Variants in TMEM127 observed in about 807,000 individuals in gnomAD.
TMEM127 encodes the protein transmembrane protein 127.
TMEM127 carries 21 observed loss-of-function variants against 20.1 expected under a neutral mutation model. The observed-to-expected ratio is 1.04, with a 90% confidence interval of 0.74 to 1.50. The LOEUF is 1.50. Ranked by LOEUF, TMEM127 falls within the 40% of genes most tolerant of loss-of-function variation. The pLI, the probability that TMEM127 is intolerant of heterozygous loss-of-function variation, is 0.00. For missense variants in TMEM127, 303 were observed against 317.4 expected (o/e 0.95, Z 0.34); for synonymous variants, 150 against 144.7 (o/e 1.04, Z -0.26).
Position 96,253,604 on chromosome 2 carries a change from C to A in TMEM127, c.*204G>T, listed in dbSNP as rs189703494. The A allele has an allele frequency of 1.6e-4, 98 of 605,918 alleles. No individual in the cohort carries two copies. In the East Asian group the frequency reaches 2.3e-3, roughly 14 times the overall value. 37.5% of individuals were successfully genotyped at this position (605,918 alleles called of 1,614,324 possible). A position where few individuals can be genotyped will look rare whatever the true frequency, so the allele number is the denominator to read the frequency against. On this transcript the variant is annotated 3_prime_UTR_variant, in exon 4 of 4. Transcript: ENST00000258439. The surrounding 1 kb of genome is among the most constrained non-coding windows in gnomAD (Gnocchi z 4.3). Reference sequence around the variant, plus strand: ...AGGATGTGGCAGGAGGGAAAGAGTACATTATAGAAAACCAGTGGACCTCCG... The same window carrying A: ...AGGATGTGGCAGGAGGGAAAGAGTAAATTATAGAAAACCAGTGGACCTCCG...
intron 2 of TMEM127, among the ~76,000 whole-genome samples, chr2:96,259,086 T>C (rs921326205): frequency 2.0e-5 from 3 of 152,234 alleles, no homozygotes; most frequent in Non-Finnish European, 2.9e-5. Flanking sequence ...TAAGGAGACA[T>C]GCACATGATA....
At position 96,259,684 on chromosome 2, in the gene TMEM127, G is replaced by A. The variant is rs79972218; in HGVS notation, c.245-4687C>T. Among the ~76,000 whole-genome samples, 2,095 of 152,314 alleles carry A rather than the reference G, an allele frequency of 0.014. 83 individuals are homozygous for A. In the East Asian group the frequency reaches 0.15, roughly 11 times the overall value. On this transcript the variant is annotated intron_variant, in intron 2 of 3. Transcript: ENST00000258439. ...ACACCGGAAAGGCTTGGGACCTGGCGCCGAATCCTAGCTCTAGCAGAGACT... is the reference window on the plus strand; with the variant it reads ...ACACCGGAAAGGCTTGGGACCTGGCACCGAATCCTAGCTCTAGCAGAGACT...
chr2:96,265,769 C>G (rs549599605), intron 1 of TMEM127, 100 bp downstream of exon 1: 1 of 211,374 alleles, frequency 4.7e-6, no homozygotes, highest in African/African-American at 2.3e-5. Context: ...GAGGACCGGG[C>G]TGGGCCGCGG....
intron 2 of TMEM127, among the ~76,000 whole-genome samples, chr2:96,257,520 T>A (rs1684233077): frequency 6.6e-6 from 1 of 152,116 alleles, no homozygotes; most frequent in African/African-American, 2.4e-5. Context: ...TCTCCTTTGA[T>A]AACTATGCAA....
chr2:96,253,458 T>C lies in TMEM127; in HGVS notation c.*350A>G. The C allele has an allele frequency of 8.9e-6, 3 of 338,080 alleles. No individual in the cohort carries two copies. The South Asian group carries it at 1.6e-4, about 19-fold the overall frequency. 20.9% of individuals were successfully genotyped at this position (338,080 alleles called of 1,614,324 possible). On this transcript the variant is annotated 3_prime_UTR_variant, in exon 4 of 4. Coordinates refer to ENST00000258439, the MANE Select transcript of TMEM127 (RefSeq NM_017849.4). The surrounding 1 kb of genome is among the most constrained non-coding windows in gnomAD (Gnocchi z 4.3). ...CCTTGGGCCCTTTGACACTTGTTTT[T>C]GGGACTGTCCGCTCTCAGCAGCTCT...
At chr2:96,258,516 C>T (rs1052477454) in intron 2 of TMEM127, among the ~76,000 whole-genome samples, 8 of 152,132 alleles carry the variant, frequency 5.3e-5, no homozygotes, top group African/African-American at 1.9e-4. Context: ...TTTGGGTCAC[C>T]CACGAAGCAG....
In TMEM127 at chr2:96,249,075, CTGTGTGTGTGTGTGTGGTGTGTGTG is replaced by C. The variant is rs1429030095; in HGVS notation, c.*4708_*4732del. The stretch of plus-strand genomic sequence containing the variant: ...TTCCCCAAAGCTTATGGTGAGGAAC[CTGTGTGTGTGTGTGTGGTGTGTGTG>C]TGTGTGTGTGTGTGTGTTTGAGATG... On this transcript the variant is annotated 3_prime_UTR_variant, in exon 4 of 4. Coordinates refer to ENST00000258439, the MANE Select transcript of TMEM127 (RefSeq NM_017849.4). 1.0e-4 allele frequency: 23 copies of C among 223,292 alleles called. 1 individual carries two copies. Among genetic ancestry groups the C allele is most frequent in the South Asian group, 3.8e-4 (2 of 5,208 alleles). The allele number at this position is 223,292 out of a possible 1,614,324, so 13.8% of individuals were successfully genotyped here.
At position 96,265,413 on chromosome 2, in the gene TMEM127, G is replaced by A. The variant is rs576291019; in HGVS notation, c.-32C>T. 20 of 1,340,318 alleles carry A rather than the reference G, an allele frequency of 1.5e-5. No homozygotes were observed. The highest frequency in any genetic ancestry group is 1.8e-5 in the Non-Finnish European group (19 of 1,051,434). The allele number at this position is 1,340,318 out of a possible 1,614,324, so 83.0% of individuals were successfully genotyped here. On this transcript the variant is annotated 5_prime_UTR_variant, in exon 2 of 4. Coordinates refer to ENST00000258439, the MANE Select transcript of TMEM127 (RefSeq NM_017849.4). ...GGCCGCCCGCCGTCGCTCCGCAGTC[G>A]CTGCTGGTCGCCGCCGACCTCCGCG...
chr2:96,263,519 C>A lies in TMEM127; in HGVS notation c.244+1619G>T, dbSNP rs572581504. On this transcript the variant is annotated intron_variant, in intron 2 of 3. Transcript: ENST00000258439. ...CTGGAATTACAGATGCCTGCCACCA[C>A]GCCCGGCTCAAAAATTTACTTTTAT... Among the ~76,000 whole-genome samples, 3 of 152,328 alleles carry A rather than the reference C, an allele frequency of 2.0e-5. No individual in the cohort carries two copies. In the East Asian group the frequency reaches 5.8e-4, roughly 29 times the overall value.
At chr2:96,254,792 G>A in intron 3 of TMEM127, 41 bp downstream of exon 3, 1 of 1,613,000 alleles carries the variant, frequency 6.2e-7, no homozygotes, top group Non-Finnish European at 8.5e-7. Context: ...CCCCCACCCT[G>A]TAGCAGTTCC....
At chr2:96,262,289 T>C (rs1171726419) in intron 2 of TMEM127, among the ~76,000 whole-genome samples, 2 of 150,844 alleles carry the variant, frequency 1.3e-5, no homozygotes, top group African/African-American at 4.9e-5. Flanking sequence ...AAACTCTATA[T>C]GCACCACATC....
chr2:96,261,988 C>T (rs112749121), intron 2 of TMEM127, among the ~76,000 whole-genome samples: 24 of 152,198 alleles, frequency 1.6e-4, no homozygotes, highest in Middle Eastern at 3.4e-3. Flanking sequence ...TGGCCAGGAG[C>T]GGTGGCTCAT....
intron 2 of TMEM127, among the ~76,000 whole-genome samples, chr2:96,263,037 C>T (rs1684342892): frequency 6.6e-6 from 1 of 151,196 alleles, no homozygotes; most frequent in Admixed American, 6.6e-5. Flanking sequence ...AGAACCTGCA[C>T]CAAGAATTTA....
rs1390651390 is a variant in TMEM127, at chr2:96,249,076, TGTGTGTGTGTGTGTG to T, written c.*4717_*4731del. On this transcript the variant is annotated 3_prime_UTR_variant, in exon 4 of 4. Transcript: ENST00000258439. The stretch of plus-strand genomic sequence containing the variant: ...TCCCCAAAGCTTATGGTGAGGAACC[TGTGTGTGTGTGTGTG>T]GTGTGTGTGTGTGTGTGTGTGTGTG... 12 of 213,730 alleles carry T rather than the reference TGTGTGTGTGTGTGTG, an allele frequency of 5.6e-5. No homozygotes were observed. The highest frequency in any genetic ancestry group is 2.0e-4 in the South Asian group (1 of 5,038). The allele number at this position is 213,730 out of a possible 1,614,324, so 13.2% of individuals were successfully genotyped here.
intron 2 of TMEM127, among the ~76,000 whole-genome samples, chr2:96,259,464 T>C (rs1375800155): frequency 2.0e-5 from 3 of 152,228 alleles, no homozygotes; most frequent in African/African-American, 7.2e-5. Context: ...AGGAATACTG[T>C]TGGAGCCATC....
At chr2:96,255,317 T>C (rs1684182613) in intron 2 of TMEM127, among the ~76,000 whole-genome samples, 1 of 152,256 alleles carries the variant, frequency 6.6e-6, no homozygotes, top group Non-Finnish European at 1.5e-5. Context: ...GACATGTTAA[T>C]GCATTCTGCT....
At chr2:96,264,451 C>G (rs1006223888) in intron 2 of TMEM127, among the ~76,000 whole-genome samples, 1 of 152,196 alleles carries the variant, frequency 6.6e-6, no homozygotes, top group Non-Finnish European at 1.5e-5. Context: ...GCAGGTGATA[C>G]AGTCCAGTCC....
chr2:96,256,257 G>A (rs1392521423), intron 2 of TMEM127, among the ~76,000 whole-genome samples: 1 of 146,406 alleles, frequency 6.8e-6, no homozygotes, highest in African/African-American at 2.5e-5. Flanking sequence ...GTGACAGAGT[G>A]AGACTCTGTC....
rs774322340 is a variant in TMEM127, at chr2:96,265,327, C to T, written c.55G>A (p.Gly19Arg). 2 of 1,520,976 alleles carry T rather than the reference C, an allele frequency of 1.3e-6. No individual in the cohort carries two copies. The highest frequency in any genetic ancestry group is 1.8e-6 in the Non-Finnish European group (2 of 1,138,946). 94.2% of individuals were successfully genotyped at this position (1,520,976 alleles called of 1,614,324 possible). Reference protein sequence around the residue: ...LPGGRRRRSPGGSALPKQPER... With the variant: ...LPGGRRRRSPRGSALPKQPER... ...GGCTGCTTGGGCAGAGCGCTGCCTC[C>T]CGGGCTCCTCCGCCGGCGCCCGCCG... Residue 19 changes from glycine to arginine, a missense_variant, in exon 2 of 4, where the codon GGA becomes AGA. Transcript: ENST00000258439.
Sources: gnomAD v4.1 joint callset for allele counts (sites outside exome capture counted in the v4.1 genomes callset) on GRCh38, gnomAD v4.1.1 for gene constraint, Gnocchi (gnomAD v3.1) non-coding constraint, MANE v1.5 for transcripts, NCBI Gene and HGNC (gene_info 2026-07-23, HGNC 2026-07-21) for gene names.